Variants in ST8SIA5 observed in about 807,000 individuals in gnomAD.
ST8SIA5 encodes the protein alpha-2,8-sialyltransferase 8E.
ST8SIA5 carries 24 observed loss-of-function variants against 40.2 expected under a neutral mutation model. That is an observed-to-expected ratio of 0.60 (90% CI 0.43 to 0.84). ST8SIA5 has a LOEUF of 0.84. Among genes scored for constraint, ST8SIA5 ranks in the 40% least tolerant of loss-of-function variants. The pLI is 0.00. For missense variants in ST8SIA5, 465 were observed against 498.5 expected (o/e 0.93, Z 0.64); for synonymous variants, 198 against 201.8 (o/e 0.98, Z 0.16).
At chr18:46,713,686 C>G (rs1599125265) in intron 1 of ST8SIA5, among the ~76,000 whole-genome samples, 1 of 152,214 alleles carries the variant, frequency 6.6e-6, no homozygotes, top group Admixed American at 6.5e-5. Flanking sequence ...ATTTCCAGGA[C>G]AGATGGGCCA....
At chr18:46,704,757 A>G (rs1599117128) in intron 1 of ST8SIA5, 93 bp from the exon 2 acceptor site, 1 of 1,085,962 alleles carries the variant, frequency 9.2e-7, no homozygotes, top group Non-Finnish European at 1.4e-6. Flanking sequence ...TGTCTGTCCC[A>G]GTGAAATAAA....
chr18:46,685,767 C>G, intron 5 of ST8SIA5: 1 of 197,268 alleles, frequency 5.1e-6, no homozygotes, highest in Non-Finnish European at 1.1e-5. Flanking sequence ...GGACCAGTCT[C>G]TGGCTTAGTT....
chr18:46,683,139 G>A (rs888893540), intron 5 of ST8SIA5, among the ~76,000 whole-genome samples: 3 of 152,112 alleles, frequency 2.0e-5, no homozygotes, highest in Admixed American at 2.0e-4. Context: ...TTTTAACAAT[G>A]AGAGAATGAT....
At chr18:46,718,455 T>G (rs2039816544) in intron 1 of ST8SIA5, among the ~76,000 whole-genome samples, 1 of 138,688 alleles carries the variant, frequency 7.2e-6, no homozygotes, top group African/African-American at 2.8e-5. Flanking sequence ...TGTCAATGTA[T>G]ATCTTATAGC....
intron 1 of ST8SIA5, chr18:46,721,390 C>T (rs1333801215): frequency 1.6e-5 from 24 of 1,536,028 alleles, no homozygotes; most frequent in Non-Finnish European, 2.0e-5. Context: ...CCGCTCTGCA[C>T]TGCTGGATCA....
chr18:46,708,706 A>C (rs1371915886), intron 1 of ST8SIA5, among the ~76,000 whole-genome samples: 1 of 152,106 alleles, frequency 6.6e-6, no homozygotes, highest in Non-Finnish European at 1.5e-5. Flanking sequence ...CTGCCTCACC[A>C]GTTCCTTTCC....
chr18:46,734,891 T>C (rs1213531485), intron 1 of ST8SIA5, among the ~76,000 whole-genome samples: 1 of 152,258 alleles, frequency 6.6e-6, no homozygotes, highest in Non-Finnish European at 1.5e-5. Flanking sequence ...AGTGTCAACT[T>C]GATTAGATTG....
At chr18:46,754,857 G>A (rs1016344635) in intron 1 of ST8SIA5, among the ~76,000 whole-genome samples, 14 of 152,254 alleles carry the variant, frequency 9.2e-5, no homozygotes, top group Admixed American at 2.6e-4. Flanking sequence ...CTGCTGAAGA[G>A]CAAGTGCCAA....
chr18:46,724,598 AAG>A (rs1017904663), intron 1 of ST8SIA5, among the ~76,000 whole-genome samples: 13 of 152,192 alleles, frequency 8.5e-5, no homozygotes, highest in Non-Finnish European at 7.3e-5. Context: ...GTTTATTCAG[AAG>A]AGAGACACTT....
chr18:46,726,820 G>A (rs995314462), intron 1 of ST8SIA5, among the ~76,000 whole-genome samples: 2 of 152,184 alleles, frequency 1.3e-5, no homozygotes, highest in Non-Finnish European at 2.9e-5. Flanking sequence ...TCAGGAGGCT[G>A]AGGCAGAGTA....
At chr18:46,691,921 C>T in intron 3 of ST8SIA5, 1 of 519,210 alleles carries the variant, frequency 1.9e-6, no homozygotes. Flanking sequence ...GATGGCACCA[C>T]CAACCTCACA....
rs1416636793 is a variant in ST8SIA5 at position 46,680,128 on chromosome 18, C to A, written c.1045G>T (p.Ala349Ser). 6.2e-7 allele frequency: 1 copy of A among 1,614,188 alleles called. No individual in the cohort carries two copies. Among genetic ancestry groups the A allele is most frequent in the Middle Eastern group, 1.6e-4 (1 of 6,062 alleles). The change falls in exon 7 of 7, where the codon GCC becomes TCC. Residue 349 changes from alanine (A) to serine (S), a missense_variant. By Grantham distance (99) the Ala-to-Ser change is moderately conservative. Coordinates refer to ENST00000315087, the MANE Select transcript of ST8SIA5 (RefSeq NM_013305.6). ...DNVKPRPGFH[A>S]MPSEIFNFLH... is the part of the protein sequence containing the mutation. ...AAGTTGAAGATCTCAGAGGGCATGG[C>A]GTGGAAGCCGGGACGCGGCTTGACG...
chr18:46,718,354 A>G (rs1377075038), intron 1 of ST8SIA5, among the ~76,000 whole-genome samples: 1 of 152,140 alleles, frequency 6.6e-6, no homozygotes, highest in East Asian at 1.9e-4. Context: ...AAGAAAAAAA[A>G]TTATTCCTAT....
intron 1 of ST8SIA5, among the ~76,000 whole-genome samples, chr18:46,746,858 G>C (rs1276338698): frequency 6.6e-6 from 1 of 151,914 alleles, no homozygotes; most frequent in Non-Finnish European, 1.5e-5. Context: ...CATAGTACTG[G>C]TATCAAAACA....
chr18:46,670,922 GAACTGAATT>G lies in ST8SIA5; in HGVS notation c.*9111_*9119del, dbSNP rs2039305233. On this transcript the variant is annotated 3_prime_UTR_variant, in exon 7 of 7. Transcript: ENST00000315087. ...TTAGAAATCAGAACCAAGTTCACTA[GAACTGAATT>G]TAAAATCAAAGCAAATGCCGTGAGA... is the stretch of plus-strand genomic sequence containing the variant. 1 of 152,128 alleles carries G rather than the reference GAACTGAATT, an allele frequency of 6.6e-6. No individual in the cohort carries two copies. Among genetic ancestry groups the G allele is most frequent in the Non-Finnish European group, 1.5e-5 (1 of 68,026 alleles). The allele number at this position is 152,128 out of a possible 1,614,324, so 9.4% of individuals were successfully genotyped here.
intron 1 of ST8SIA5, among the ~76,000 whole-genome samples, chr18:46,726,970 G>A (rs1011554264): frequency 1.3e-5 from 2 of 152,160 alleles, no homozygotes; most frequent in South Asian, 2.1e-4. Context: ...TGCTAAACTC[G>A]TAATCACTAA....
chr18:46,680,556 C>G, intron 6 of ST8SIA5, 46 bp from the exon 7 acceptor site: 1 of 1,500,024 alleles, frequency 6.7e-7, no homozygotes, highest in Non-Finnish European at 8.9e-7. Context: ...CCTCCGTGCC[C>G]TCAGGCCCCT....
Position 46,670,615 on chromosome 18 carries a change from T to C in ST8SIA5, c.*9427A>G, listed in dbSNP as rs1027674195. On this transcript the variant is annotated 3_prime_UTR_variant, in exon 7 of 7. Transcript: ENST00000315087. ...TACAGGTGTGCTTTTGTATTCTTTA[T>C]TGAGACAGGGTTTTGCCATGTTGCC... 2.6e-5 allele frequency: 4 copies of C among 152,132 alleles called. No homozygotes were observed. Among genetic ancestry groups the C allele is most frequent in the African/African-American group, 9.7e-5 (4 of 41,428 alleles). 9.4% of individuals were successfully genotyped at this position (152,132 alleles called of 1,614,324 possible).
intron 1 of ST8SIA5, among the ~76,000 whole-genome samples, chr18:46,719,120 G>T (rs1348439481): frequency 6.6e-6 from 1 of 152,206 alleles, no homozygotes; most frequent in African/African-American, 2.4e-5. Context: ...AAATGTGGGA[G>T]GTGTGGTCAT....
Sources: allele counts gnomAD v4.1 joint callset (sites outside exome capture counted in the v4.1 genomes callset), GRCh38; gene constraint gnomAD v4.1.1; transcripts MANE v1.5; gene names NCBI Gene and HGNC (gene_info 2026-07-23, HGNC 2026-07-21).